The following SLC22A4 variants were observed in gnomAD, a reference collection of about 807,000 sequenced individuals.
The protein encoded by SLC22A4 is solute carrier family 22 member 4, also known as ET transporter.
SLC22A4 carries 39 observed loss-of-function variants against 56.6 expected under a neutral mutation model. That is an observed-to-expected ratio of 0.69 (90% CI 0.53 to 0.90). The LOEUF (loss-of-function observed/expected upper bound fraction) is 0.90, where lower values mean the gene tolerates loss of function less well. Ranked by LOEUF, SLC22A4 falls within the 40% of genes least tolerant of loss-of-function variation. The probability of loss-of-function intolerance (pLI) is 0.00; values close to 1 mark genes in which losing one functional copy is unlikely to be tolerated. For synonymous variants in SLC22A4, 241 were observed against 281.4 expected (o/e 0.86, Z 1.44); for missense variants, 594 against 696.5 (o/e 0.85, Z 1.66).
chr5:132,337,856 C>T (rs1177475461), intron 8 of SLC22A4, among the ~76,000 whole-genome samples: 1 of 151,918 alleles, frequency 6.6e-6, no homozygotes, highest in Non-Finnish European at 1.5e-5. Flanking sequence ...CTGCCTCAAC[C>T]TCCTGAGTTG....
chr5:132,325,505 T>C (rs1750664572), intron 4 of SLC22A4, among the ~76,000 whole-genome samples: 1 of 152,130 alleles, frequency 6.6e-6, no homozygotes, highest in South Asian at 2.1e-4. Context: ...TTCTGAAAAA[T>C]GCAAACTAGG....
In SLC22A4 at chr5:132,331,785, T is replaced by C; in HGVS notation, c.981T>C (p.Ala327=). ...TAAATCCCCTGAAGCAGCAGAAAGCTTTCATTCTGGACCTGTTCAGGACTC... is the reference window on the plus strand; with the variant it reads ...TAAATCCCCTGAAGCAGCAGAAAGCCTTCATTCTGGACCTGTTCAGGACTC... ...EELNPLKQQK[A]FILDLFRTRN... The change falls in exon 6 of 10, where the codon GCT becomes GCC. Residue 327 remains alanine (A), a synonymous_variant. Transcript: ENST00000200652. 6.2e-7 allele frequency: 1 copy of C among 1,613,770 alleles called. No homozygotes were observed. Among genetic ancestry groups the C allele is most frequent in the Non-Finnish European group, 8.5e-7 (1 of 1,179,670 alleles).
In SLC22A4 at chr5:132,340,608, G is replaced by C. The variant is rs1342666394; in HGVS notation, c.1488G>C (p.Leu496=). The change falls in exon 9 of 10, where the codon CTG becomes CTC. Residue 496 remains leucine, a synonymous_variant. Transcript: ENST00000200652. Reference sequence around the variant, plus strand: ...TGCCCTACATCGTCATGGGTAGTCTGACTGTCCTGATTGGAATCCTCACCC... The same window carrying C: ...TGCCCTACATCGTCATGGGTAGTCTCACTGTCCTGATTGGAATCCTCACCC... ...RMLPYIVMGS[L]TVLIGILTLF... is the part of the protein sequence containing the mutation. 5 of 1,613,872 alleles carry C rather than the reference G, an allele frequency of 3.1e-6. No individual in the cohort carries two copies. The South Asian group carries it at 5.5e-5, about 18-fold the overall frequency.
At chr5:132,306,883 A>G (rs571906687) in intron 1 of SLC22A4, among the ~76,000 whole-genome samples, 1 of 152,338 alleles carries the variant, frequency 6.6e-6, no homozygotes, top group Non-Finnish European at 1.5e-5. Flanking sequence ...TTCCATTTAT[A>G]TGAAATGTCC....
intron 3 of SLC22A4, 101 bp from the exon 4 acceptor site, chr5:132,322,083 T>C (rs1352316476): frequency 5.4e-6 from 6 of 1,106,042 alleles, no homozygotes; most frequent in Non-Finnish European, 8.3e-6. Flanking sequence ...TTTCCCCTTT[T>C]CTAAGTGGTG....
intron 2 of SLC22A4, among the ~76,000 whole-genome samples, chr5:132,312,692 G>A (rs1750216530): frequency 6.6e-6 from 1 of 152,238 alleles, no homozygotes; most frequent in African/African-American, 2.4e-5. Flanking sequence ...ACACACTGCT[G>A]CTGTGGCTTG....
chr5:132,306,108 G>T (rs1032512893), intron 1 of SLC22A4, among the ~76,000 whole-genome samples: 1 of 151,988 alleles, frequency 6.6e-6, no homozygotes, highest in Non-Finnish European at 1.5e-5. Flanking sequence ...TGGAGAAATT[G>T]AAACCCTCAT....
intron 5 of SLC22A4, among the ~76,000 whole-genome samples, chr5:132,331,335 A>G (rs2126733099): frequency 6.6e-6 from 1 of 152,148 alleles, no homozygotes; most frequent in East Asian, 1.9e-4. Flanking sequence ...ACTCCATCTA[A>G]AAAAAACAAA....
chr5:132,302,075 G>C (rs1749919233), intron 1 of SLC22A4, among the ~76,000 whole-genome samples: 1 of 152,230 alleles, frequency 6.6e-6, no homozygotes, highest in Non-Finnish European at 1.5e-5. Flanking sequence ...GCTTCCCCTT[G>C]CTCTGGCCTG....
chr5:132,319,717 C>T (rs1181971939), intron 3 of SLC22A4, among the ~76,000 whole-genome samples: 6 of 152,210 alleles, frequency 3.9e-5, no homozygotes, highest in Non-Finnish European at 5.9e-5. Flanking sequence ...CTCAGCCTCC[C>T]GAATAGGTGG....
intron 1 of SLC22A4, among the ~76,000 whole-genome samples, chr5:132,305,597 A>G (rs1750008401): frequency 6.6e-6 from 1 of 152,218 alleles, no homozygotes; most frequent in Non-Finnish European, 1.5e-5. Context: ...TCAACGTTTG[A>G]CTTCTCATTA....
chr5:132,336,169 A>G (rs1341415678), intron 8 of SLC22A4, among the ~76,000 whole-genome samples, 169 bp downstream of exon 8: 1 of 150,606 alleles, frequency 6.6e-6, no homozygotes, highest in Non-Finnish European at 1.5e-5. Flanking sequence ...ACTGGTGAGT[A>G]GCGCTACAGA....
At chr5:132,316,582 C>G (rs1011579584) in intron 3 of SLC22A4, among the ~76,000 whole-genome samples, 3 of 152,196 alleles carry the variant, frequency 2.0e-5, no homozygotes, top group Non-Finnish European at 4.4e-5. Flanking sequence ...TTGACTGATT[C>G]ATTAATTCAG....
chr5:132,328,223 G>A (rs1241295078), intron 5 of SLC22A4, among the ~76,000 whole-genome samples: 7 of 152,218 alleles, frequency 4.6e-5, no homozygotes, highest in Admixed American at 4.6e-4. Flanking sequence ...ACTTAAATGA[G>A]TGGAGAGGAT....
In SLC22A4 at chr5:132,322,170, C is replaced by T. The variant is rs143716952; in HGVS notation, c.653-14C>T. 4.2e-5 allele frequency: 68 copies of T among 1,609,576 alleles called. No homozygotes were observed. In the African/African-American group the frequency reaches 8.3e-4, roughly 20 times the overall value. ...TGAGTTAATATGCTAATACTCCTCC[C>T]TTGTTTTGAACAGGAACAGAAATTC... On this transcript the variant is annotated splice_polypyrimidine_tract_variant and intron_variant, in intron 3 of 9. Transcript: ENST00000200652.
intron 1 of SLC22A4, among the ~76,000 whole-genome samples, chr5:132,296,482 C>T (rs920302403): frequency 6.6e-6 from 1 of 152,244 alleles, no homozygotes; most frequent in Non-Finnish European, 1.5e-5. Flanking sequence ...TTGAAACTCT[C>T]CTCTGCAAGA....
intron 1 of SLC22A4, among the ~76,000 whole-genome samples, chr5:132,310,678 G>A (rs919948662): frequency 6.6e-6 from 1 of 152,238 alleles, no homozygotes; most frequent in Non-Finnish European, 1.5e-5. Flanking sequence ...GCGGCCTCAT[G>A]AATCTTGCTA....
intron 9 of SLC22A4, among the ~76,000 whole-genome samples, chr5:132,342,596 G>A (rs980284556): frequency 2.6e-5 from 4 of 152,132 alleles, no homozygotes; most frequent in African/African-American, 9.7e-5. Flanking sequence ...CAAATGTCAG[G>A]TCCCCAGGTT....
At chr5:132,327,923 C>A (rs980089611) in intron 5 of SLC22A4, among the ~76,000 whole-genome samples, 4 of 152,168 alleles carry the variant, frequency 2.6e-5, no homozygotes, top group African/African-American at 9.7e-5. Flanking sequence ...CAAGGAAAAG[C>A]TGATATTCTG....
Sources: allele counts gnomAD v4.1 joint callset (sites outside exome capture counted in the v4.1 genomes callset), GRCh38; gene constraint gnomAD v4.1.1; transcripts MANE v1.5; gene names NCBI Gene and HGNC (gene_info 2026-07-23, HGNC 2026-07-21).